Variants in FOXJ3 observed in about 807,000 individuals in gnomAD.
The protein encoded by FOXJ3 is forkhead box J3, also known as forkhead box protein J3.
A neutral mutation model predicts 76.1 loss-of-function variants in FOXJ3; 22 were observed. The ratio of observed to expected loss-of-function variants is 0.29; its 90% confidence interval spans 0.21 to 0.41. FOXJ3 has a LOEUF of 0.41. Ranked by LOEUF, FOXJ3 falls within the 10% of genes least tolerant of loss-of-function variation. The pLI is 1.00. For synonymous variants in FOXJ3, 269 were observed against 261.2 expected (o/e 1.03, Z -0.29); for missense variants, 613 against 762.1 (o/e 0.80, Z 2.30).
intron 4 of FOXJ3, among the ~76,000 whole-genome samples, chr1:42,254,743 T>A (rs1191077055): frequency 6.8e-6 from 1 of 147,458 alleles, no homozygotes; most frequent in Admixed American, 6.9e-5. Context: ...ATGTTCTCAC[T>A]CATAGATGGG....
At chr1:42,220,539 G>A (rs1431963298) in intron 5 of FOXJ3, among the ~76,000 whole-genome samples, 1 of 152,076 alleles carries the variant, frequency 6.6e-6, no homozygotes, top group African/African-American at 2.4e-5. Flanking sequence ...TCTCCTCGAG[G>A]GCTTTTTTTC....
intron 3 of FOXJ3, among the ~76,000 whole-genome samples, chr1:42,276,762 G>GAAGAATCACAGTTAACATTCCCATT (rs1652294359): frequency 6.6e-6 from 1 of 152,050 alleles, no homozygotes; most frequent in Admixed American, 6.5e-5. Flanking sequence ...CCCCTTAACC[G>GAAGAATCACAGTTAACATTCCCATT]AAGAATCACA....
At chr1:42,328,296 C>CA (rs1245297319) in intron 1 of FOXJ3, among the ~76,000 whole-genome samples, 3 of 151,982 alleles carry the variant, frequency 2.0e-5, no homozygotes, top group African/African-American at 4.8e-5. Flanking sequence ...GATCTTGTCT[C>CA]AAAAAAATAA....
At chr1:42,324,324 TATATAAC>T (rs1181292861) in intron 1 of FOXJ3, among the ~76,000 whole-genome samples, 2 of 133,216 alleles carry the variant, frequency 1.5e-5, no homozygotes, top group East Asian at 2.0e-4. Flanking sequence ...ATACACGAGA[TATATAAC>T]ATATACACTA....
intron 1 of FOXJ3, among the ~76,000 whole-genome samples, chr1:42,332,297 C>T (rs1249472709): frequency 1.3e-5 from 2 of 152,184 alleles, no homozygotes; most frequent in Non-Finnish European, 2.9e-5. Context: ...CTGGTCAGTG[C>T]AAAATCTACC....
At chr1:42,209,436 A>C (rs58798201) in intron 5 of FOXJ3, among the ~76,000 whole-genome samples, 3,193 of 152,320 alleles carry the variant, frequency 0.021, 102 homozygotes, top group African/African-American at 0.073. Flanking sequence ...AACTGAAAGA[A>C]AATGCAGACC....
intron 1 of FOXJ3, among the ~76,000 whole-genome samples, chr1:42,325,273 C>A (rs1655761530): frequency 6.6e-6 from 1 of 152,168 alleles, no homozygotes; most frequent in Admixed American, 6.5e-5. Flanking sequence ...CAGTATTTTG[C>A]AATCAGAGAA....
At position 42,177,864 on chromosome 1, in the gene FOXJ3, A is replaced by G. The variant is rs78061258; in HGVS notation, c.*1846T>C. 0.019 allele frequency: 2,904 copies of G among 152,724 alleles called. 38 individuals are homozygous for G. Among genetic ancestry groups the G allele is most frequent in the Middle Eastern group, 0.054 (16 of 294 alleles). 9.5% of individuals were successfully genotyped at this position (152,724 alleles called of 1,614,324 possible). A position where few individuals can be genotyped will look rare whatever the true frequency, so the allele number is the denominator to read the frequency against. On this transcript the variant is annotated 3_prime_UTR_variant, in exon 13 of 13. Transcript: ENST00000361346. Reference sequence around the variant, plus strand: ...GAGATTACTCAACCATAGAATCACTAAGGCTAATTAAAGTGATTTAGCATG... The same window carrying G: ...GAGATTACTCAACCATAGAATCACTGAGGCTAATTAAAGTGATTTAGCATG...
At chr1:42,184,255 C>A (rs1433086052) in intron 11 of FOXJ3, among the ~76,000 whole-genome samples, 2 of 152,054 alleles carry the variant, frequency 1.3e-5, no homozygotes, top group African/African-American at 4.8e-5. Context: ...CTTTCGAGTT[C>A]ATGTCATAAT....
At chr1:42,310,239 A>G (rs1023494020) in intron 2 of FOXJ3, among the ~76,000 whole-genome samples, 1 of 148,782 alleles carries the variant, frequency 6.7e-6, no homozygotes, top group African/African-American at 2.5e-5. Context: ...TCCACCTCCC[A>G]GGTTCAAGTG....
At chr1:42,180,055 G>A (rs1306272047) in intron 12 of FOXJ3, among the ~76,000 whole-genome samples, 1 of 151,954 alleles carries the variant, frequency 6.6e-6, no homozygotes, top group East Asian at 1.9e-4. Flanking sequence ...ACAAAGATAG[G>A]ATCTGAGGTC....
At chr1:42,229,118 A>G (rs1040551212) in intron 4 of FOXJ3, among the ~76,000 whole-genome samples, 4 of 152,146 alleles carry the variant, frequency 2.6e-5, no homozygotes, top group African/African-American at 9.7e-5. Context: ...CATACCAATG[A>G]CAAACTCATA....
intron 2 of FOXJ3, 58 bp downstream of exon 2, chr1:42,310,992 C>T: frequency 1.0e-6 from 1 of 980,000 alleles, no homozygotes; most frequent in East Asian, 2.6e-5. Context: ...ATGAGGTGAC[C>T]AGTCTAACTT....
chr1:42,293,901 A>G (rs1388646761), intron 2 of FOXJ3, among the ~76,000 whole-genome samples: 1 of 152,208 alleles, frequency 6.6e-6, no homozygotes, highest in Admixed American at 6.5e-5. Context: ...TAACCTTCAA[A>G]AGAGACCCAG....
At chr1:42,260,185 T>C (rs1382608337) in intron 4 of FOXJ3, among the ~76,000 whole-genome samples, 2 of 152,210 alleles carry the variant, frequency 1.3e-5, no homozygotes, top group South Asian at 2.1e-4. Context: ...ACACTGTTCA[T>C]CATTTAATGT....
intron 12 of FOXJ3, 82 bp downstream of exon 12, chr1:42,181,827 ACTCTCTCT>A: frequency 1.3e-6 from 1 of 762,316 alleles, no homozygotes; most frequent in Admixed American, 2.6e-5. Context: ...ACACACACAC[ACTCTCTCT>A]CTCACCTGCC....
Position 42,177,841 on chromosome 1 carries a change from G to A in FOXJ3, c.*1869C>T, listed in dbSNP as rs1164833218. ...AAGATGTTTGTTTAGTTCAAGTAGA[G>A]ATTACTCAACCATAGAATCACTAAG... is the stretch of plus-strand genomic sequence containing the variant. On this transcript the variant is annotated 3_prime_UTR_variant, in exon 13 of 13. Transcript: ENST00000361346. 1.3e-5 allele frequency: 2 copies of A among 152,376 alleles called. No individual in the cohort carries two copies. The highest frequency in any genetic ancestry group is 2.9e-5 in the Non-Finnish European group (2 of 68,006). 9.4% of individuals were successfully genotyped at this position (152,376 alleles called of 1,614,324 possible).
intron 6 of FOXJ3, among the ~76,000 whole-genome samples, chr1:42,205,056 A>G (rs1159996222): frequency 6.6e-6 from 1 of 152,190 alleles, no homozygotes; most frequent in Non-Finnish European, 1.5e-5. Flanking sequence ...GAATCTAAGC[A>G]TAAGTGTGAG....
intron 4 of FOXJ3, among the ~76,000 whole-genome samples, chr1:42,259,335 T>C (rs1027924230): frequency 1.3e-5 from 2 of 152,232 alleles, no homozygotes; most frequent in African/African-American, 4.8e-5. Context: ...TTGAAACTAA[T>C]AGAATTACAC....
Sources: allele counts gnomAD v4.1 joint callset (sites outside exome capture counted in the v4.1 genomes callset), GRCh38; gene constraint gnomAD v4.1.1; transcripts MANE v1.5; gene names NCBI Gene and HGNC (gene_info 2026-07-23, HGNC 2026-07-21).